COL25A1: variants seen among roughly 807,000 people sequenced by gnomAD.
COL25A1 encodes collagen alpha-1(XXV) chain.
Under a neutral mutation model 128.4 loss-of-function variants are expected in COL25A1, and 103 were observed. That is an observed-to-expected ratio of 0.80 (90% CI 0.68 to 0.94). The LOEUF is 0.94. Among genes scored for constraint, COL25A1 ranks in the 40% least tolerant of loss-of-function variants. COL25A1 has a pLI of 0.00. For synonymous variants in COL25A1, 279 were observed against 277.2 expected (o/e 1.01, Z -0.06); for missense variants, 745 against 840.0 (o/e 0.89, Z 1.40).
At chr4:109,161,683 G>A (rs907939173) in intron 3 of COL25A1, among the ~76,000 whole-genome samples, 1 of 152,178 alleles carries the variant, frequency 6.6e-6, no homozygotes, top group Non-Finnish European at 1.5e-5. Flanking sequence ...AACTCTGGAA[G>A]TTATATTGTA....
intron 3 of COL25A1, among the ~76,000 whole-genome samples, chr4:109,143,372 A>G (rs535614420): frequency 1.8e-4 from 27 of 152,130 alleles, no homozygotes; most frequent in Non-Finnish European, 3.4e-4. Context: ...TGAATCTGAT[A>G]ATTATGTGTC....
intron 3 of COL25A1, among the ~76,000 whole-genome samples, chr4:109,197,370 A>ATAAT (rs1560849903): frequency 3.1e-4 from 40 of 129,266 alleles, no homozygotes; most frequent in African/African-American, 9.9e-4. Flanking sequence ...AAAAATATAT[A>ATAAT]ATATATATAA....
At chr4:108,954,184 T>C (rs917211468) in intron 8 of COL25A1, among the ~76,000 whole-genome samples, 1 of 152,180 alleles carries the variant, frequency 6.6e-6, no homozygotes, top group African/African-American at 2.4e-5. Context: ...ATGAGAATTA[T>C]GGTTTCTCTG....
chr4:109,175,646 T>A (rs1193344832), intron 3 of COL25A1, among the ~76,000 whole-genome samples: 1 of 152,202 alleles, frequency 6.6e-6, no homozygotes, highest in Non-Finnish European at 1.5e-5. Flanking sequence ...TCCCAAAAAT[T>A]TAATTTTTAG....
At chr4:109,198,538 C>T (rs909449020) in intron 3 of COL25A1, among the ~76,000 whole-genome samples, 11 of 152,224 alleles carry the variant, frequency 7.2e-5, no homozygotes, top group African/African-American at 2.6e-4. Context: ...ACAATCAAAT[C>T]CTAGAGAAAG....
chr4:109,236,793 C>T (rs931906551), intron 3 of COL25A1, among the ~76,000 whole-genome samples: 8 of 151,982 alleles, frequency 5.3e-5, no homozygotes, highest in Non-Finnish European at 1.0e-4. Flanking sequence ...ATATCATTTA[C>T]AAACCATGTT....
chr4:108,873,749 C>T (rs934504528), intron 19 of COL25A1, among the ~76,000 whole-genome samples: 1 of 152,126 alleles, frequency 6.6e-6, no homozygotes, highest in African/African-American at 2.4e-5. Context: ...ATTTATGAGA[C>T]AATATCCATC....
chr4:109,299,127 A>G (rs957807001), intron 3 of COL25A1, among the ~76,000 whole-genome samples: 13 of 152,200 alleles, frequency 8.5e-5, no homozygotes, highest in African/African-American at 2.9e-4. Flanking sequence ...TTAATTAAGC[A>G]CTAGCTATTT....
At chr4:108,956,874 T>G (rs977892883) in intron 8 of COL25A1, among the ~76,000 whole-genome samples, 2 of 152,098 alleles carry the variant, frequency 1.3e-5, no homozygotes, top group Non-Finnish European at 2.9e-5. Flanking sequence ...AGAGGGGACC[T>G]CAACAGGATG....
At chr4:108,839,629 G>A (rs1485560338) in intron 31 of COL25A1, among the ~76,000 whole-genome samples, 1 of 152,168 alleles carries the variant, frequency 6.6e-6, no homozygotes, top group Non-Finnish European at 1.5e-5. Context: ...TCTAGTCCCA[G>A]ATCTGTCATG....
At chr4:108,909,941 A>G (rs1038779807) in intron 13 of COL25A1, among the ~76,000 whole-genome samples, 1 of 152,160 alleles carries the variant, frequency 6.6e-6, no homozygotes, top group East Asian at 1.9e-4. Flanking sequence ...CTCCTCGTCA[A>G]CAGTGCTGCA....
chr4:109,284,213 T>C (rs1723648649), intron 3 of COL25A1, among the ~76,000 whole-genome samples: 1 of 152,168 alleles, frequency 6.6e-6, no homozygotes, highest in East Asian at 1.9e-4. Context: ...TCACCTGAGG[T>C]CAGGTGTTTG....
chr4:109,246,125 G>T (rs1780252590), intron 3 of COL25A1, among the ~76,000 whole-genome samples: 1 of 150,834 alleles, frequency 6.6e-6, no homozygotes, highest in South Asian at 2.1e-4. Context: ...CATGAAAATA[G>T]ATACTATCAT....
At position 109,208,483 on chromosome 4, in the gene COL25A1, T is replaced by TAAAA. The variant is rs199675745; in HGVS notation, c.367+92096_367+92099dup. On this transcript the variant is annotated intron_variant, in intron 3 of 37. Coordinates refer to ENST00000399132, the MANE Select transcript of COL25A1 (RefSeq NM_198721.4). ...TTCCAAGAAAGAAGATATCAGTTAATAAAAAAAAAAAAAACAAATTATTAA... is the reference window on the plus strand; with the variant it reads ...TTCCAAGAAAGAAGATATCAGTTAATAAAAAAAAAAAAAAAAAACAAATTATTAA... Among the ~76,000 whole-genome samples the TAAAA allele has an allele frequency of 1.7e-3, 241 of 138,302 alleles. 2 individuals are homozygous for TAAAA. The highest frequency in any genetic ancestry group is 5.3e-3 in the African/African-American group (196 of 36,648). The allele number at this position is 138,302 out of a possible 152,430, so 90.7% of individuals were successfully genotyped here. A position where few individuals can be genotyped will look rare whatever the true frequency, so the allele number is the denominator to read the frequency against.
Position 109,120,410 on chromosome 4 carries a change from G to A in COL25A1, c.368-70231C>T, listed in dbSNP as rs142087190. 1.9e-3 allele frequency among the ~76,000 whole-genome samples: 286 copies of A among 152,170 alleles called. 3 individuals are homozygous for A. Among genetic ancestry groups the A allele is most frequent in the African/African-American group, 6.7e-3 (277 of 41,546 alleles). On this transcript the variant is annotated intron_variant, in intron 3 of 37. Transcript: ENST00000399132. ...AAATAAACAAAAAACAACTCTCTCA[G>A]ATTTAATAAGCAATTATAACAAGAT...
chr4:108,862,463 G>T (rs1310875283), intron 22 of COL25A1, 38 bp downstream of exon 22: 8 of 1,488,362 alleles, frequency 5.4e-6, no homozygotes, highest in Non-Finnish European at 7.5e-6. Flanking sequence ...GATCTTGAAG[G>T]CCTCATGTTA....
chr4:108,990,446 A>C (rs1292860114), intron 6 of COL25A1, among the ~76,000 whole-genome samples: 1 of 151,782 alleles, frequency 6.6e-6, no homozygotes, highest in Non-Finnish European at 1.5e-5. Flanking sequence ...AAAATTATAC[A>C]TACCGTGTGC....
At chr4:109,238,162 C>T (rs1484542493) in intron 3 of COL25A1, among the ~76,000 whole-genome samples, 9 of 152,002 alleles carry the variant, frequency 5.9e-5, no homozygotes, top group Admixed American at 5.9e-4. Flanking sequence ...TTTCATTTCC[C>T]TTGAGGTATA....
At chr4:108,884,337 AC>A (rs1013573038) in intron 18 of COL25A1, 115 bp from the exon 19 acceptor site, 288 of 959,882 alleles carry the variant, frequency 3.0e-4, no homozygotes, top group Non-Finnish European at 2.3e-5. Flanking sequence ...AAATAAAAAA[AC>A]CGTCTACTTT....
Sources: gnomAD v4.1 joint callset for allele counts (sites outside exome capture counted in the v4.1 genomes callset) on GRCh38, gnomAD v4.1.1 for gene constraint, MANE v1.5 for transcripts, NCBI Gene and HGNC (gene_info 2026-07-23, HGNC 2026-07-21) for gene names.